SLC75A1: variants seen among roughly 807,000 people sequenced by gnomAD.
SLC75A1 encodes the protein major facilitator superfamily domain containing 10.
At chr4:2,930,803 T>G in the SLC75A1 span, 1 of 1,609,548 alleles carries the variant, frequency 6.2e-7, no homozygotes, top group Non-Finnish European at 8.5e-7. Context: ...GCTCCCACTC[T>G]GCCTGGTGCC....
the SLC75A1 span, chr4:2,930,626 A>C: frequency 3.4e-6 from 2 of 596,200 alleles, no homozygotes; most frequent in Non-Finnish European, 5.9e-6. Flanking sequence ...TAAAAAACAA[A>C]CAGAAGCCCT....
chr4:2,930,953 A>T, the SLC75A1 span: 1 of 1,613,048 alleles, frequency 6.2e-7, no homozygotes, highest in Non-Finnish European at 8.5e-7. Context: ...CAGCCAGTAC[A>T]CTGCGGAGAG....
At chr4:2,934,244 G>C in the SLC75A1 span, 13 of 333,626 alleles carry the variant, frequency 3.9e-5, no homozygotes, top group Non-Finnish European at 6.0e-5. Context: ...CCACGCCCTC[G>C]TAACAGCGAG....
chr4:2,932,913 G>A, the SLC75A1 span: 1 of 1,103,590 alleles, frequency 9.1e-7, no homozygotes, highest in South Asian at 1.6e-5. Flanking sequence ...CTAGGGGCCA[G>A]GAGCAGCTCC....
chr4:2,934,206 G>C, the SLC75A1 span: 1 of 447,182 alleles, frequency 2.2e-6, no homozygotes, highest in South Asian at 3.4e-5. Context: ...CGCGGACCTG[G>C]CCCCACCCCA....
the SLC75A1 span, chr4:2,931,471 G>A: frequency 6.3e-7 from 1 of 1,578,024 alleles, no homozygotes; most frequent in Non-Finnish European, 8.6e-7. Context: ...AGGGCCTGCA[G>A]GTGGGCACGG....
chr4:2,933,955 T>A, the SLC75A1 span: 1 of 1,540,538 alleles, frequency 6.5e-7, no homozygotes, highest in South Asian at 1.2e-5. Context: ...CTGGGTGGGG[T>A]GCGGCGGGTC....
At chr4:2,933,442 A>AC in the SLC75A1 span, 2 of 1,094,048 alleles carry the variant, frequency 1.8e-6, no homozygotes, top group South Asian at 2.7e-5. Flanking sequence ...GGGCAAGGGC[A>AC]CCAGACATGC....
At chr4:2,933,005 T>C in the SLC75A1 span, 19 of 1,206,662 alleles carry the variant, frequency 1.6e-5, no homozygotes, top group Non-Finnish European at 2.1e-5. Flanking sequence ...CCAGTGGCCA[T>C]GAGGGGCCCA....
chr4:2,933,245 G>C, the SLC75A1 span: 1 of 1,591,998 alleles, frequency 6.3e-7, no homozygotes, highest in Non-Finnish European at 8.6e-7. Flanking sequence ...GGGCTGCCTG[G>C]CACCATGAGC....
chr4:2,933,946 TG>T, the SLC75A1 span: 6 of 1,546,194 alleles, frequency 3.9e-6, no homozygotes, highest in African/African-American at 8.2e-5. Context: ...TGACCTGGCC[TG>T]GGTGGGGTGC....
chr4:2,931,483 A>C, the SLC75A1 span: 3 of 1,583,506 alleles, frequency 1.9e-6, no homozygotes, highest in African/African-American at 1.4e-5. Flanking sequence ...TGGGCACGGC[A>C]GCCTCAGCAC....
At chr4:2,932,417 G>A in the SLC75A1 span, 6 of 1,613,704 alleles carry the variant, frequency 3.7e-6, no homozygotes, top group South Asian at 5.5e-5. Context: ...AGGCTGCGAA[G>A]AGCAGGGCAA....
the SLC75A1 span, chr4:2,931,807 C>G: frequency 6.3e-7 from 1 of 1,581,452 alleles, no homozygotes; most frequent in Non-Finnish European, 8.6e-7. Context: ...AGCAGGCCGT[C>G]GCCAGATGGG....
At chr4:2,933,640 C>G in the SLC75A1 span, 1 of 1,613,874 alleles carries the variant, frequency 6.2e-7, no homozygotes, top group Non-Finnish European at 8.5e-7. Context: ...CCACCCCGCC[C>G]TGCCAGGAGC....
At chr4:2,933,931 T>C in the SLC75A1 span, 12 of 1,556,454 alleles carry the variant, frequency 7.7e-6, no homozygotes, top group Middle Eastern at 2.2e-4. Flanking sequence ...CATGGTGGGC[T>C]GCTCTGACCT....
chr4:2,931,300 C>A, the SLC75A1 span: 3 of 1,549,636 alleles, frequency 1.9e-6, no homozygotes, highest in South Asian at 3.6e-5. Context: ...GAGGAGGTGC[C>A]CGTCAGCCCA....
the SLC75A1 span, chr4:2,931,913 C>A: frequency 1.9e-6 from 3 of 1,610,314 alleles, no homozygotes; most frequent in Admixed American, 3.4e-5. Context: ...TAGACTAGGC[C>A]CAGGCGGCGC....
At chr4:2,932,499 AC>A in the SLC75A1 span, 1 of 1,613,600 alleles carries the variant, frequency 6.2e-7, no homozygotes, top group Non-Finnish European at 8.5e-7. Context: ...TGAGAAGGCC[AC>A]CCCAATGACC....
Sources: allele counts gnomAD v4.1 joint callset, GRCh38; gene constraint gnomAD v4.1.1; transcripts MANE v1.5; gene names NCBI Gene and HGNC (gene_info 2026-07-23, HGNC 2026-07-21).